The following VIT variants were observed in gnomAD, a reference collection of about 807,000 sequenced individuals.
VIT encodes the protein vitrin.
Under a neutral mutation model 78.0 loss-of-function variants are expected in VIT, and 99 were observed. That is an observed-to-expected ratio of 1.27 (90% CI 1.08 to 1.50). The LOEUF is 1.50. Ranked by LOEUF, VIT falls within the 40% of genes most tolerant of loss-of-function variation. The pLI is 0.00. For missense variants in VIT, 1,126 were observed against 875.3 expected, an observed-to-expected ratio of 1.29 and a Z score of -3.61; for synonymous variants, 374 against 334.3, an observed-to-expected ratio of 1.12 and a Z score of -1.29.
At chr2:36,771,196 CAGA>C (rs910125686) in intron 7 of VIT, among the ~76,000 whole-genome samples, 96 of 149,682 alleles carry the variant, frequency 6.4e-4, no homozygotes, top group African/African-American at 2.2e-3. Context: ...CAAGCCACAG[CAGA>C]AGAACTACAA....
At chr2:36,763,583 CTTTTTTTTTTTTTT>C (rs70946947) in intron 6 of VIT, among the ~76,000 whole-genome samples, 2 of 60,434 alleles carry the variant, frequency 3.3e-5, no homozygotes, top group Non-Finnish European at 6.2e-5. Context: ...TCTATCTTCC[CTTTTTTTTTTTTTT>C]TTTTTTTTTG....
intron 12 of VIT, 136 bp from the exon 13 acceptor site, chr2:36,801,165 G>A (rs186432721): frequency 1.3e-6 from 1 of 791,750 alleles, no homozygotes; most frequent in Admixed American, 2.0e-5. Flanking sequence ...AGTCCACAAT[G>A]GGACATTTTA....
At chr2:36,810,079 G>A (rs1391593091) in intron 15 of VIT, among the ~76,000 whole-genome samples, 1 of 151,438 alleles carries the variant, frequency 6.6e-6, no homozygotes, top group Non-Finnish European at 1.5e-5. Flanking sequence ...ATCACCCGAG[G>A]TTGGGAGTTC....
intron 14 of VIT, 121 bp from the exon 15 acceptor site, chr2:36,808,351 G>T: frequency 7.5e-7 from 1 of 1,327,256 alleles, no homozygotes. Context: ...CACGGTAGGA[G>T]GGCTAGTGCA....
intron 12 of VIT, among the ~76,000 whole-genome samples, chr2:36,799,598 G>T (rs1352261327): frequency 6.6e-6 from 1 of 151,948 alleles, no homozygotes; most frequent in Non-Finnish European, 1.5e-5. Context: ...TGCACCTGTG[G>T]TCTCACCTAC....
chr2:36,745,491 G>C (rs1015684459), intron 4 of VIT, among the ~76,000 whole-genome samples: 1 of 152,040 alleles, frequency 6.6e-6, no homozygotes, highest in Non-Finnish European at 1.5e-5. Context: ...ACTTCTTCCA[G>C]GAGTGTTTTA....
chr2:36,783,515 T>A, intron 11 of VIT, 113 bp downstream of exon 11: 1 of 1,017,770 alleles, frequency 9.8e-7, no homozygotes, highest in Non-Finnish European at 1.5e-6. Flanking sequence ...TGGATCTATT[T>A]ATCTCCTCTC....
chr2:36,771,796 G>A (rs1669776003), intron 7 of VIT, among the ~76,000 whole-genome samples: 1 of 152,160 alleles, frequency 6.6e-6, no homozygotes. Flanking sequence ...CTAGAAGAAT[G>A]GCTAAAGAAG....
intron 2 of VIT, among the ~76,000 whole-genome samples, chr2:36,721,545 C>G (rs1185949969): frequency 6.6e-6 from 1 of 152,204 alleles, no homozygotes; most frequent in African/African-American, 2.4e-5. Context: ...CATCTGACCT[C>G]CACTCTTGCT....
intron 13 of VIT, among the ~76,000 whole-genome samples, chr2:36,801,946 C>G (rs960654856): frequency 2.6e-5 from 4 of 152,132 alleles, no homozygotes; most frequent in Non-Finnish European, 4.4e-5. Context: ...GTCTGCTGTC[C>G]TGACTATTTT....
chr2:36,700,996 C>T (rs1413197682), intron 1 of VIT, among the ~76,000 whole-genome samples: 11 of 149,134 alleles, frequency 7.4e-5, no homozygotes, highest in Admixed American at 7.3e-4. Flanking sequence ...AAGTCATACT[C>T]TTAACCTGCC....
At chr2:36,735,204 C>T (rs1307672459) in intron 3 of VIT, among the ~76,000 whole-genome samples, 4 of 151,946 alleles carry the variant, frequency 2.6e-5, no homozygotes, top group African/African-American at 7.3e-5. Context: ...AATAATCTGG[C>T]ATGGGGGTCT....
At chr2:36,742,788 C>T (rs1456711790) in intron 3 of VIT, among the ~76,000 whole-genome samples, 1 of 152,208 alleles carries the variant, frequency 6.6e-6, no homozygotes, top group Non-Finnish European at 1.5e-5. Context: ...CTCAAGATAA[C>T]ATTTCTGGCC....
intron 5 of VIT, among the ~76,000 whole-genome samples, chr2:36,757,134 A>G (rs1393849004): frequency 6.6e-6 from 1 of 152,228 alleles, no homozygotes. Flanking sequence ...ACTGGCAGCC[A>G]AGGAATGCTT....
In VIT at chr2:36,778,314, T is replaced by C. The variant is rs575664539; in HGVS notation, c.802+3247T>C. Among the ~76,000 whole-genome samples the C allele has an allele frequency of 4.6e-5, 7 of 152,250 alleles. No individual in the cohort carries two copies. The South Asian group carries it at 1.5e-3, about 32-fold the overall frequency. ...ACACTGCGTCCCCCACTGCCAGCCT[T>C]TACCCCTCCTACCACGGTTCTGGGA... is the stretch of plus-strand genomic sequence containing the variant. On this transcript the variant is annotated intron_variant, in intron 9 of 15. Coordinates refer to ENST00000379242, the MANE Select transcript of VIT (RefSeq NM_053276.4).
At chr2:36,753,859 C>T (rs1668611999) in intron 4 of VIT, among the ~76,000 whole-genome samples, 1 of 152,134 alleles carries the variant, frequency 6.6e-6, no homozygotes. Context: ...TAGATGGGAG[C>T]AAGAGGGACA....
At chr2:36,728,032 G>A (rs4670167) in intron 2 of VIT, among the ~76,000 whole-genome samples, 51,889 of 151,918 alleles carry the variant, frequency 0.34, 11,010 homozygotes, top group Non-Finnish European at 0.46. Flanking sequence ...GGGTTCAAGC[G>A]ATTCTCCTGC....
Position 36,698,971 on chromosome 2 carries a change from A to G in VIT, c.-19+1998A>G, listed in dbSNP as rs1419123232. Among the ~76,000 whole-genome samples, 2 of 146,914 alleles carry G rather than the reference A, an allele frequency of 1.4e-5. 1 individual carries two copies. The highest frequency in any genetic ancestry group is 3.0e-5 in the Non-Finnish European group (2 of 67,098). On this transcript the variant is annotated intron_variant, in intron 1 of 15. Transcript: ENST00000379242. Reference sequence around the variant, plus strand: ...AAAAAAGAAAAGAAAAGAAAAGAAAAGAAATGTAATCTTTTATTCCCCACA... The same window carrying G: ...AAAAAAGAAAAGAAAAGAAAAGAAAGGAAATGTAATCTTTTATTCCCCACA...
intron 14 of VIT, among the ~76,000 whole-genome samples, chr2:36,806,634 C>T (rs1344429974): frequency 6.6e-6 from 1 of 152,202 alleles, no homozygotes; most frequent in Admixed American, 6.5e-5. Context: ...GCAGTCTCCG[C>T]CTCCCAGCTT....
Sources: allele counts gnomAD v4.1 joint callset (sites outside exome capture counted in the v4.1 genomes callset), GRCh38; gene constraint gnomAD v4.1.1; transcripts MANE v1.5; gene names NCBI Gene and HGNC (gene_info 2026-07-23, HGNC 2026-07-21).